NCALD: variants seen among roughly 807,000 people sequenced by gnomAD.
NCALD encodes the protein neurocalcin delta, also known as neurocalcin-delta.
Under a neutral mutation model 18.6 loss-of-function variants are expected in NCALD, and 10 were observed. The observed-to-expected ratio is 0.54, with a 90% confidence interval of 0.33 to 0.91. NCALD has a LOEUF of 0.91. NCALD is among the 40% of genes least tolerant of loss of function. The pLI, the probability that NCALD is intolerant of heterozygous loss-of-function variation, is 0.03. For synonymous variants in NCALD, 88 were observed against 87.4 expected, an observed-to-expected ratio of 1.01 and a Z score of -0.04; for missense variants, 184 against 247.6, an observed-to-expected ratio of 0.74 and a Z score of 1.72.
At chr8:101,696,031 C>T (rs893196659) in intron 2 of NCALD, among the ~76,000 whole-genome samples, 8 of 151,998 alleles carry the variant, frequency 5.3e-5, no homozygotes, top group African/African-American at 1.9e-4. Context: ...TCATGTGAAA[C>T]CCCTTAAAGA....
intron 4 of NCALD, among the ~76,000 whole-genome samples, chr8:101,878,957 C>A (rs1278920214): frequency 1.3e-5 from 2 of 152,224 alleles, no homozygotes; most frequent in East Asian, 3.8e-4. Context: ...TCTAAGACAG[C>A]ACCACTTAAA....
chr8:101,788,641 C>A (rs1482568746), intron 1 of NCALD: 1 of 152,138 alleles, frequency 6.6e-6, no homozygotes, highest in Admixed American at 6.6e-5. Context: ...TTATTTTATG[C>A]ATGTAAAAAC....
intron 3 of NCALD, among the ~76,000 whole-genome samples, chr8:101,913,526 T>C (rs1353331852): frequency 6.7e-6 from 1 of 150,096 alleles, no homozygotes; most frequent in Non-Finnish European, 1.5e-5. Context: ...TCCAAACCAG[T>C]TTTTTTGTTT....
intron 1 of NCALD, among the ~76,000 whole-genome samples, chr8:101,756,000 A>C (rs1202930399): frequency 6.6e-6 from 1 of 152,164 alleles, no homozygotes; most frequent in East Asian, 1.9e-4. Context: ...AAGCAGAACA[A>C]TTCCTAAACA....
chr8:102,008,916 C>CCACACA (rs1821804749), intron 2 of NCALD, among the ~76,000 whole-genome samples: 17 of 21,216 alleles, frequency 8.0e-4, no homozygotes, highest in Admixed American at 1.7e-3. Flanking sequence ...CCCCGCCCCC[C>CCACACA]TACACACACA....
chr8:101,730,479 C>CAA (rs869241027), intron 1 of NCALD, among the ~76,000 whole-genome samples: 686 of 43,490 alleles, frequency 0.016, 118 homozygotes, highest in East Asian at 0.034. Flanking sequence ...GACTCCATCT[C>CAA]AAAAAAAAAA....
chr8:101,753,687 A>G (rs1810754097), intron 1 of NCALD, among the ~76,000 whole-genome samples: 1 of 152,152 alleles, frequency 6.6e-6, no homozygotes, highest in Non-Finnish European at 1.5e-5. Flanking sequence ...AGATCTTAAG[A>G]CACAAGGAAG....
intron 2 of NCALD, among the ~76,000 whole-genome samples, chr8:101,962,027 AAG>A (rs1819854159): frequency 1.3e-5 from 2 of 152,190 alleles, no homozygotes; most frequent in South Asian, 4.1e-4. Context: ...TTTATCTCAA[AAG>A]AGAGAGTTCC....
At chr8:101,769,605 T>C (rs1811498874) in intron 1 of NCALD, among the ~76,000 whole-genome samples, 1 of 152,026 alleles carries the variant, frequency 6.6e-6, no homozygotes, top group Non-Finnish European at 1.5e-5. Context: ...GCACATTTAT[T>C]TTCTTCTTTC....
chr8:102,006,308 C>G (rs1029577558), intron 2 of NCALD, among the ~76,000 whole-genome samples: 1 of 151,642 alleles, frequency 6.6e-6, no homozygotes, highest in Non-Finnish European at 1.5e-5. Context: ...TTCATTGGTT[C>G]TCTTTTTTTT....
At chr8:102,110,547 A>T (rs982669267) in intron 1 of NCALD, among the ~76,000 whole-genome samples, 14 of 152,192 alleles carry the variant, frequency 9.2e-5, no homozygotes, top group African/African-American at 3.1e-4. Flanking sequence ...ATGATGTGCT[A>T]CCTACTAGGC....
At chr8:101,910,452 G>A (rs1054267150) in intron 3 of NCALD, among the ~76,000 whole-genome samples, 4 of 141,482 alleles carry the variant, frequency 2.8e-5, no homozygotes, top group African/African-American at 1.1e-4. Flanking sequence ...CAAATAAAGA[G>A]AAATAACAAA....
At chr8:101,804,499 A>G (rs1403845966) in intron 4 of NCALD, among the ~76,000 whole-genome samples, 1 of 116,066 alleles carries the variant, frequency 8.6e-6, no homozygotes, top group East Asian at 2.0e-4. Context: ...TAATTAATAT[A>G]ATTAATTATA....
chr8:102,000,673 C>A (rs745911922), intron 2 of NCALD, among the ~76,000 whole-genome samples: 15 of 152,308 alleles, frequency 9.8e-5, no homozygotes, highest in Admixed American at 2.6e-4. Context: ...TCCTCTGAGA[C>A]AAAACTTCCA....
chr8:101,734,747 C>T (rs1389543959), intron 1 of NCALD, among the ~76,000 whole-genome samples: 10 of 152,180 alleles, frequency 6.6e-5, no homozygotes, highest in Admixed American at 6.5e-4. Flanking sequence ...GTAAAAACCA[C>T]ACCACATTTC....
chr8:102,085,947 T>G (rs187489079), intron 1 of NCALD, among the ~76,000 whole-genome samples: 14 of 152,352 alleles, frequency 9.2e-5, no homozygotes, highest in African/African-American at 3.4e-4. Context: ...GGTCATCTGA[T>G]TTCCTATTTT....
chr8:101,921,739 CT>C (rs1818172715), intron 2 of NCALD, among the ~76,000 whole-genome samples: 1 of 152,098 alleles, frequency 6.6e-6, no homozygotes, highest in East Asian at 1.9e-4. Context: ...GAATTCTTAT[CT>C]AAGACAGATT....
upstream of NCALD, chr8:102,124,688 G>A (rs544917013): frequency 1.3e-5 from 2 of 152,502 alleles, no homozygotes; most frequent in East Asian, 3.9e-4. Flanking sequence ...TTCGATTTGA[G>A]GGGGGGTCTG....
intron 4 of NCALD, among the ~76,000 whole-genome samples, chr8:101,878,866 T>C (rs890007864): frequency 6.6e-5 from 10 of 152,208 alleles, no homozygotes; most frequent in African/African-American, 2.4e-4. Flanking sequence ...AATGTGCTGT[T>C]ATGCGACGGT....
Sources: allele counts gnomAD v4.1 joint callset (sites outside exome capture counted in the v4.1 genomes callset), GRCh38; gene constraint gnomAD v4.1.1; transcripts MANE v1.5; gene names NCBI Gene and HGNC (gene_info 2026-07-23, HGNC 2026-07-21).